The following EGF variants were observed in gnomAD, a reference collection of about 807,000 sequenced individuals.
EGF encodes epidermal growth factor, also known as pro-epidermal growth factor.
In EGF, 95 loss-of-function variants were observed where a neutral mutation model predicts 143.8. The ratio of observed to expected loss-of-function variants is 0.66; its 90% CI spans 0.56 to 0.78. The LOEUF (loss-of-function observed/expected upper bound fraction) is 0.78. Among genes scored for constraint, EGF ranks in the 30% least tolerant of loss-of-function variants. EGF has a pLI of 0.00. For synonymous variants in EGF, 510 were observed against 510.5 expected, an observed-to-expected ratio of 1.00 and a Z score of 0.01; for missense variants, 1,320 against 1,470.9, an observed-to-expected ratio of 0.90 and a Z score of 1.68.
At chr4:109,929,630 T>A (rs972651136) in intron 1 of EGF, among the ~76,000 whole-genome samples, 3 of 152,188 alleles carry the variant, frequency 2.0e-5, no homozygotes, top group Non-Finnish European at 4.4e-5. Context: ...TAGGGGCTGT[T>A]TTCTGCTCTG....
At chr4:109,999,110 C>T (rs1203034582) in intron 20 of EGF, among the ~76,000 whole-genome samples, 3 of 152,100 alleles carry the variant, frequency 2.0e-5, no homozygotes, top group Non-Finnish European at 2.9e-5. Flanking sequence ...TAGGCAAATG[C>T]CTGTATGTAT....
intron 5 of EGF, among the ~76,000 whole-genome samples, chr4:109,947,179 G>GA (rs11433359): frequency 0.54 from 82,650 of 151,698 alleles, 25,287 homozygotes; most frequent in African/African-American, 0.83. Context: ...GGGGCCTACA[G>GA]AAAAAAAGTT....
At chr4:109,994,937 T>C (rs1751558591) in intron 20 of EGF, 57 bp downstream of exon 20, 12 of 1,610,156 alleles carry the variant, frequency 7.5e-6, no homozygotes, top group Non-Finnish European at 1.0e-5. Context: ...CCATAACTTG[T>C]AGCTAATTTG....
chr4:109,968,851 T>A (rs901070473), intron 10 of EGF, 120 bp from the exon 11 acceptor site: 18 of 1,312,558 alleles, frequency 1.4e-5, no homozygotes, highest in Non-Finnish European at 1.7e-5. Context: ...TAGTTGCAGG[T>A]GTGCCTATCT....
At chr4:109,938,039 C>T (rs1423940165) in intron 1 of EGF, among the ~76,000 whole-genome samples, 2 of 152,088 alleles carry the variant, frequency 1.3e-5, no homozygotes, top group East Asian at 3.9e-4. Flanking sequence ...CTCTGTATTT[C>T]CTGAATTTGA....
Position 109,945,179 on chromosome 4 carries a change from A to G in EGF, c.844A>G (p.Arg282Gly). Residue 282 changes from arginine (R) to glycine (G), a missense_variant, in exon 5 of 24, where the codon AGA becomes GGA. Coordinates refer to ENST00000265171, the MANE Select transcript of EGF (RefSeq NM_001963.6). Reference protein sequence around the residue: ...ANKHTGKDMVRINLHSSFVPL... With the variant: ...ANKHTGKDMVGINLHSSFVPL... Reference sequence around the variant, plus strand: ...CAAACACACTGGAAAGGACATGGTTAGAATTAACCTCCATTCATCATTTGT... The same window carrying G: ...CAAACACACTGGAAAGGACATGGTTGGAATTAACCTCCATTCATCATTTGT... The G allele has an allele frequency of 6.2e-7, 1 of 1,614,150 alleles. No individual in the cohort carries two copies. Among genetic ancestry groups the G allele is most frequent in the Non-Finnish European group, 8.5e-7 (1 of 1,180,012 alleles).
chr4:109,927,582 G>C (rs1738912794), intron 1 of EGF, among the ~76,000 whole-genome samples: 1 of 151,908 alleles, frequency 6.6e-6, no homozygotes, highest in Non-Finnish European at 1.5e-5. Context: ...AAATTAGTTG[G>C]GCGTGGTGGC....
At chr4:109,932,360 CAT>C (rs57424246) in intron 1 of EGF, among the ~76,000 whole-genome samples, 12 of 87,024 alleles carry the variant, frequency 1.4e-4, no homozygotes, top group East Asian at 4.2e-4. Flanking sequence ...CCCATTTAGT[CAT>C]ATATATATAT....
intron 5 of EGF, among the ~76,000 whole-genome samples, chr4:109,946,669 T>C (rs2126016933): frequency 6.6e-6 from 1 of 152,298 alleles, no homozygotes; most frequent in East Asian, 1.9e-4. Flanking sequence ...AGAAACCATG[T>C]CTATTTTGTT....
chr4:109,918,570 T>C (rs753451651), intron 1 of EGF, among the ~76,000 whole-genome samples: 1 of 152,180 alleles, frequency 6.6e-6, no homozygotes, highest in Non-Finnish European at 1.5e-5. Flanking sequence ...AAGGCAAGGC[T>C]ATGTGTCCCT....
At chr4:110,004,405 A>C in intron 21 of EGF, 100 bp from the exon 22 acceptor site, 1 of 997,412 alleles carries the variant, frequency 1.0e-6, no homozygotes, top group Non-Finnish European at 1.6e-6. Flanking sequence ...AAGTACTTAA[A>C]TTTTAGTAGC....
At chr4:109,972,637 C>T (rs897950109) in intron 11 of EGF, among the ~76,000 whole-genome samples, 53 of 152,132 alleles carry the variant, frequency 3.5e-4, no homozygotes, top group Admixed American at 2.6e-3. Context: ...CCACTTCATC[C>T]GGGAGTAAAA....
rs757851716 is a variant in EGF, at chr4:109,976,189, C to A, written c.2007C>A (p.Ala669=). 2 of 1,614,064 alleles carry A rather than the reference C, an allele frequency of 1.2e-6. No individual in the cohort carries two copies. The highest frequency in any genetic ancestry group is 1.7e-6 in the Non-Finnish European group (2 of 1,179,996). The change falls in exon 13 of 24, where the codon GCC becomes GCA. Residue 669 remains alanine (A), a synonymous_variant. Coordinates refer to ENST00000265171, the MANE Select transcript of EGF (RefSeq NM_001963.6). Reference sequence around the variant, plus strand: ...CCAAGCAGTCTGTGATTGAAATGGCCAATCTGGATGGTTCAAAACGCCGAA... The same window carrying A: ...CCAAGCAGTCTGTGATTGAAATGGCAAATCTGGATGGTTCAAAACGCCGAA... ...CDAKQSVIEM[A]NLDGSKRRRL... is the part of the protein sequence containing the mutation.
chr4:109,917,374 T>C (rs1736851424), intron 1 of EGF, among the ~76,000 whole-genome samples: 1 of 152,222 alleles, frequency 6.6e-6, no homozygotes, highest in African/African-American at 2.4e-5. Flanking sequence ...GACTAATAAT[T>C]TGGCTCAAGC....
intron 19 of EGF, among the ~76,000 whole-genome samples, chr4:109,994,227 C>G (rs1252433553): frequency 6.6e-6 from 1 of 152,110 alleles, no homozygotes. Context: ...GCCAGAGTTG[C>G]TACAGTCTTG....
At chr4:109,961,075 C>T (rs1216565229) in intron 7 of EGF, 86 bp downstream of exon 7, 2 of 1,446,974 alleles carry the variant, frequency 1.4e-6, no homozygotes, top group Middle Eastern at 1.8e-4. Flanking sequence ...GGTTGGTGAT[C>T]TTCAATCAGC....
chr4:110,001,689 T>A, intron 21 of EGF: 1 of 985,446 alleles, frequency 1.0e-6, no homozygotes, highest in Non-Finnish European at 1.2e-6. Flanking sequence ...CTTTTTAAAC[T>A]TGGAATTCAA....
rs146138475 is a variant in EGF at position 109,980,969 on chromosome 4, T to C, written c.2365T>C (p.Leu789=). The part of the protein sequence containing the change: ...TCLALDGHQL[L]AGGEVDLKNQ... ...TCTGGCTCTGGATGGTCATCAGCTG[T>C]TGGCAGGTAATATAATAAATTATGT... Residue 789 remains leucine, a synonymous_variant, in exon 15 of 24, where the codon TTG becomes CTG. Coordinates refer to ENST00000265171, the MANE Select transcript of EGF (RefSeq NM_001963.6). 6.2e-7 allele frequency: 1 copy of C among 1,614,012 alleles called. No homozygotes were observed. The highest frequency in any genetic ancestry group is 8.5e-7 in the Non-Finnish European group (1 of 1,179,968).
intron 1 of EGF, among the ~76,000 whole-genome samples, chr4:109,926,393 C>T (rs1738665015): frequency 6.8e-6 from 1 of 146,486 alleles, no homozygotes; most frequent in Non-Finnish European, 1.5e-5. Flanking sequence ...CTCTCTCTGT[C>T]GCCCAAGCTG....
Sources: gnomAD v4.1 joint callset for allele counts (sites outside exome capture counted in the v4.1 genomes callset) on GRCh38, gnomAD v4.1.1 for gene constraint, MANE v1.5 for transcripts, NCBI Gene and HGNC (gene_info 2026-07-23, HGNC 2026-07-21) for gene names.